GPR141: variants seen among roughly 807,000 people sequenced by gnomAD.
The protein encoded by GPR141 is probable G protein-coupled receptor 141.
A neutral mutation model predicts 6.8 loss-of-function variants in GPR141; 6 were observed. That is an observed-to-expected ratio of 0.88 (90% CI 0.48 to 1.74). The LOEUF is 1.74. Among genes scored for constraint, GPR141 ranks in the 40% most tolerant of loss-of-function variants. The pLI is 0.01. For missense variants in GPR141, 372 were observed against 372.9 expected, an observed-to-expected ratio of 1.00 and a Z score of 0.02; for synonymous variants, 140 against 142.3, an observed-to-expected ratio of 0.98 and a Z score of 0.11.
chr7:37,735,793 T>C (rs1296843217), intron 2 of GPR141, among the ~76,000 whole-genome samples: 1 of 152,140 alleles, frequency 6.6e-6, no homozygotes, highest in Non-Finnish European at 1.5e-5. Flanking sequence ...GATTAAAGTA[T>C]TTAAGAAATT....
At chr7:37,692,847 T>G (rs1809839828) in intron 2 of GPR141, among the ~76,000 whole-genome samples, 2 of 152,182 alleles carry the variant, frequency 1.3e-5, no homozygotes, top group Admixed American at 1.3e-4. Context: ...TGGGGTTGTT[T>G]GTTTTTTCTT....
At chr7:37,701,262 G>A (rs556699916) in intron 2 of GPR141, among the ~76,000 whole-genome samples, 10 of 152,110 alleles carry the variant, frequency 6.6e-5, no homozygotes, top group African/African-American at 1.7e-4. Context: ...ATTCATTTAC[G>A]AAAATAGTAA....
chr7:37,725,846 T>C (rs542860418), intron 2 of GPR141, among the ~76,000 whole-genome samples: 48 of 152,286 alleles, frequency 3.2e-4, no homozygotes, highest in Middle Eastern at 3.4e-3. Context: ...CTTTGTTTTT[T>C]TTTTTCCTTC....
chr7:37,743,272 CTG>C lies in GPR141; in HGVS notation c.*1964_*1965del, dbSNP rs1812658573. Among the ~76,000 whole-genome samples, 1 of 152,104 alleles carries C rather than the reference CTG, an allele frequency of 6.6e-6. No homozygotes were observed. Among genetic ancestry groups the C allele is most frequent in the Non-Finnish European group, 1.5e-5 (1 of 68,014 alleles). The stretch of plus-strand genomic sequence containing the variant: ...TTCCTCAGATGAATAAGAAATACCT[CTG>C]TGAATTTCTGTGACCACTAAAATTA... On this transcript the variant is annotated 3_prime_UTR_variant, in exon 3 of 3. Coordinates refer to ENST00000334425, the MANE Select transcript of GPR141 (RefSeq NM_001381946.1).
chr7:37,717,042 C>G (rs1208935021), intron 2 of GPR141, among the ~76,000 whole-genome samples: 1 of 152,182 alleles, frequency 6.6e-6, no homozygotes, highest in Non-Finnish European at 1.5e-5. Flanking sequence ...CTAAGAGCCT[C>G]AAATTTACAG....
intron 2 of GPR141, among the ~76,000 whole-genome samples, chr7:37,700,076 T>C (rs966196871): frequency 2.0e-5 from 3 of 152,206 alleles, no homozygotes; most frequent in African/African-American, 7.2e-5. Flanking sequence ...TCCTCAGTCA[T>C]CCAGATATTG....
In GPR141 at chr7:37,731,251, G is replaced by A. The variant is rs542970491; in HGVS notation, c.-14-9129G>A. On this transcript the variant is annotated intron_variant, in intron 2 of 2. Coordinates refer to ENST00000334425, the MANE Select transcript of GPR141 (RefSeq NM_001381946.1). ...TACTCATCTCTTCTCAGGGATTAGA[G>A]ACAGGCTGTTACGAGTATGTAGCAA... is the stretch of plus-strand genomic sequence containing the variant. Among the ~76,000 whole-genome samples the A allele has an allele frequency of 2.0e-5, 3 of 152,308 alleles. No individual in the cohort carries two copies. The East Asian group carries it at 5.8e-4, about 29-fold the overall frequency.
At chr7:37,703,024 T>C (rs536286643) in intron 2 of GPR141, among the ~76,000 whole-genome samples, 135 of 152,180 alleles carry the variant, frequency 8.9e-4, no homozygotes, top group Non-Finnish European at 1.8e-3. Flanking sequence ...TTTCATTGTT[T>C]TTCAAATGTA....
intron 2 of GPR141, among the ~76,000 whole-genome samples, chr7:37,718,617 A>G: frequency 6.6e-6 from 1 of 152,184 alleles, no homozygotes; most frequent in Non-Finnish European, 1.5e-5. Flanking sequence ...TTAGAAAGTC[A>G]TTTCTGCTGA....
chr7:37,709,059 TTC>T (rs1299766173), intron 2 of GPR141, among the ~76,000 whole-genome samples: 1 of 152,206 alleles, frequency 6.6e-6, no homozygotes, highest in African/African-American at 2.4e-5. Context: ...ACTGTTTTGT[TTC>T]TGTCATTAGG....
chr7:37,739,117 A>G (rs541269792), intron 2 of GPR141, among the ~76,000 whole-genome samples: 3 of 152,236 alleles, frequency 2.0e-5, no homozygotes, highest in African/African-American at 7.2e-5. Flanking sequence ...AGAATACATG[A>G]TTTAGTGTAA....
rs76007483 is a variant in GPR141 at position 37,697,777 on chromosome 7, C to G, written c.-15+12194C>G. Reference sequence around the variant, plus strand: ...ATCAGCACCAGTCTCTCCACAAATTCTAATCCAGTGGTCTGAGAAGAGGCT... The same window carrying G: ...ATCAGCACCAGTCTCTCCACAAATTGTAATCCAGTGGTCTGAGAAGAGGCT... On this transcript the variant is annotated intron_variant, in intron 2 of 2. Transcript: ENST00000334425. Among the ~76,000 whole-genome samples the G allele has an allele frequency of 4.2e-3, 637 of 152,306 alleles. 5 individuals are homozygous for G. The highest frequency in any genetic ancestry group is 0.014 in the African/African-American group (593 of 41,560).
chr7:37,738,938 C>A (rs1443011022), intron 2 of GPR141, among the ~76,000 whole-genome samples: 2 of 152,048 alleles, frequency 1.3e-5, no homozygotes, highest in Non-Finnish European at 2.9e-5. Context: ...GTTATGGTCC[C>A]TCTAATGAGT....
At chr7:37,731,598 A>T (rs572516020) in intron 2 of GPR141, among the ~76,000 whole-genome samples, 3 of 151,280 alleles carry the variant, frequency 2.0e-5, no homozygotes, top group Non-Finnish European at 2.9e-5. Flanking sequence ...CGCCCGCCAC[A>T]ACGCCCGGCT....
chr7:37,685,364 T>TGCCTGCCTGCCTG (rs1809450918), intron 1 of GPR141, 96 bp from the exon 2 acceptor site: 1 of 145,244 alleles, frequency 6.9e-6, no homozygotes, highest in African/African-American at 2.6e-5. Flanking sequence ...CCTCCTTCCT[T>TGCCTGCCTGCCTG]CCTGCCTGCC....
At chr7:37,730,248 G>A (rs1230955404) in intron 2 of GPR141, among the ~76,000 whole-genome samples, 1 of 151,888 alleles carries the variant, frequency 6.6e-6, no homozygotes, top group Non-Finnish European at 1.5e-5. Context: ...AGAAGTACTT[G>A]ACACATACCA....
At chr7:37,707,813 G>C (rs1277790243) in intron 2 of GPR141, among the ~76,000 whole-genome samples, 2 of 152,128 alleles carry the variant, frequency 1.3e-5, no homozygotes, top group African/African-American at 4.8e-5. Context: ...GGAGCAAAGA[G>C]AGAAAATAGG....
chr7:37,712,695 G>A (rs1331503114), intron 2 of GPR141, among the ~76,000 whole-genome samples: 1 of 152,198 alleles, frequency 6.6e-6, no homozygotes, highest in Non-Finnish European at 1.5e-5. Context: ...TACATAAGAT[G>A]CCTCTGAAGA....
intron 2 of GPR141, among the ~76,000 whole-genome samples, chr7:37,716,034 T>G (rs1811031278): frequency 6.6e-6 from 1 of 152,110 alleles, no homozygotes; most frequent in African/African-American, 2.4e-5. Flanking sequence ...ATCCTTGGAG[T>G]TGAGACAGAG....
Sources: gnomAD v4.1 joint callset for allele counts (sites outside exome capture counted in the v4.1 genomes callset) on GRCh38, gnomAD v4.1.1 for gene constraint, MANE v1.5 for transcripts, NCBI Gene and HGNC (gene_info 2026-07-23, HGNC 2026-07-21) for gene names.